Variants in MAST4 observed in about 807,000 individuals in gnomAD.
The protein encoded by MAST4 is microtubule-associated serine/threonine-protein kinase 4.
A neutral mutation model predicts 162.7 loss-of-function variants in MAST4; 89 were observed. That is an observed-to-expected ratio of 0.55 (90% CI 0.46 to 0.65). The LOEUF (loss-of-function observed/expected upper bound fraction) is 0.65, where lower values mean the gene tolerates loss of function less well. Among genes scored for constraint, MAST4 ranks in the 30% least tolerant of loss-of-function variants. The probability of loss-of-function intolerance (pLI) is 0.00; values close to 1 mark genes in which losing one functional copy is unlikely to be tolerated. For synonymous variants in MAST4, 1,479 were observed against 1,361.1 expected (o/e 1.09, Z -1.91); for missense variants, 3,153 against 3,374.0 (o/e 0.93, Z 1.62).
chr5:66,726,055 G>A (rs1469646656), intron 1 of MAST4, among the ~76,000 whole-genome samples: 4 of 151,906 alleles, frequency 2.6e-5, no homozygotes, highest in African/African-American at 9.7e-5. Context: ...GTGTGAAGAT[G>A]TACACATAAG....
chr5:66,646,851 A>G (rs746184517), intron 1 of MAST4, among the ~76,000 whole-genome samples: 12 of 152,206 alleles, frequency 7.9e-5, no homozygotes, highest in Non-Finnish European at 1.5e-4. Flanking sequence ...CAAGATAGAC[A>G]TCAGGTTTCT....
intron 3 of MAST4, among the ~76,000 whole-genome samples, chr5:66,819,812 C>G (rs1756908327): frequency 6.8e-6 from 1 of 147,076 alleles, no homozygotes; most frequent in Non-Finnish European, 1.5e-5. Flanking sequence ...CTCACTCTGT[C>G]CCCAAGGCTG....
intron 5 of MAST4, among the ~76,000 whole-genome samples, chr5:67,078,132 T>A (rs1581464693): frequency 6.6e-6 from 1 of 151,802 alleles, no homozygotes; most frequent in East Asian, 1.9e-4. Context: ...TAGAAAAAAA[T>A]GTGGATACAT....
At chr5:66,771,135 G>C (rs1211907750) in intron 2 of MAST4, among the ~76,000 whole-genome samples, 3 of 151,810 alleles carry the variant, frequency 2.0e-5, no homozygotes, top group African/African-American at 7.3e-5. Flanking sequence ...AGTTTTTTCT[G>C]GCATGATTTT....
At chr5:66,903,327 A>G (rs1333358960) in intron 4 of MAST4, among the ~76,000 whole-genome samples, 2 of 152,158 alleles carry the variant, frequency 1.3e-5, no homozygotes, top group Non-Finnish European at 2.9e-5. Flanking sequence ...TATTTTATGT[A>G]AAATACTCAG....
chr5:66,892,370 T>C (rs960631465), intron 3 of MAST4, among the ~76,000 whole-genome samples: 1 of 152,200 alleles, frequency 6.6e-6, no homozygotes, highest in Non-Finnish European at 1.5e-5. Flanking sequence ...CTTTTCACAC[T>C]GTATTTTACA....
At chr5:67,060,128 C>A (rs467655) in intron 5 of MAST4, among the ~76,000 whole-genome samples, 23,967 of 152,072 alleles carry the variant, frequency 0.16, 1,939 homozygotes, top group South Asian at 0.26. Context: ...TTATTTCAGA[C>A]AACTCTTAAG....
intron 3 of MAST4, among the ~76,000 whole-genome samples, chr5:66,886,114 T>G (rs1762024019): frequency 1.3e-5 from 2 of 152,146 alleles, no homozygotes; most frequent in Non-Finnish European, 2.9e-5. Flanking sequence ...CAAACCAGAC[T>G]TCTGAGCCAC....
chr5:66,723,377 A>G (rs1486410653), intron 1 of MAST4, among the ~76,000 whole-genome samples: 1 of 152,172 alleles, frequency 6.6e-6, no homozygotes, highest in African/African-American at 2.4e-5. Flanking sequence ...ATTAAATGTC[A>G]TGAGAAATAG....
At chr5:66,713,231 G>A (rs1750608617) in intron 1 of MAST4, among the ~76,000 whole-genome samples, 1 of 151,948 alleles carries the variant, frequency 6.6e-6, no homozygotes, top group Non-Finnish European at 1.5e-5. Flanking sequence ...CTTTGCTCTG[G>A]GGCACACAGC....
intron 3 of MAST4, among the ~76,000 whole-genome samples, chr5:66,860,357 A>G (rs1760008975): frequency 6.6e-6 from 1 of 152,220 alleles, no homozygotes; most frequent in Non-Finnish European, 1.5e-5. Context: ...TTAGAGAGCA[A>G]ATTATTGCCT....
At chr5:67,061,682 C>T (rs1188879083) in intron 5 of MAST4, among the ~76,000 whole-genome samples, 1 of 152,050 alleles carries the variant, frequency 6.6e-6, no homozygotes, top group Non-Finnish European at 1.5e-5. Context: ...TCAGCATCTC[C>T]TGCTCTGATC....
At chr5:66,925,095 T>G (rs753162101) in intron 4 of MAST4, among the ~76,000 whole-genome samples, 7 of 152,206 alleles carry the variant, frequency 4.6e-5, no homozygotes, top group Non-Finnish European at 1.0e-4. Flanking sequence ...CTTTTAGACT[T>G]TTTTTCTAAA....
At chr5:67,049,575 C>T (rs1757918226) in intron 4 of MAST4, among the ~76,000 whole-genome samples, 1 of 152,054 alleles carries the variant, frequency 6.6e-6, no homozygotes, top group African/African-American at 2.4e-5. Flanking sequence ...GATGGGTCTC[C>T]TGTGCAAATT....
chr5:66,655,640 C>T (rs548947329), intron 1 of MAST4, among the ~76,000 whole-genome samples: 27 of 152,300 alleles, frequency 1.8e-4, no homozygotes, highest in South Asian at 1.4e-3. Context: ...AAAGACGGCT[C>T]TTTGCTACAA....
rs562999366 is a variant in MAST4, at chr5:66,892,683, G to C, written c.643-7268G>C. ...ATCAGTACCAGCCCTCCCTGCTCGT[G>C]TATTTATTCAAACCTCTCCTTTCAG... On this transcript the variant is annotated intron_variant, in intron 3 of 28. Coordinates refer to ENST00000403625, the MANE Select transcript of MAST4 (RefSeq NM_001164664.2). Among the ~76,000 whole-genome samples the C allele has an allele frequency of 2.6e-5, 4 of 151,626 alleles. No homozygotes were observed. The South Asian group carries it at 6.3e-4, about 24-fold the overall frequency.
chr5:67,159,173 C>T (rs970665257), intron 26 of MAST4, among the ~76,000 whole-genome samples: 6 of 151,910 alleles, frequency 3.9e-5, no homozygotes, highest in African/African-American at 1.5e-4. Flanking sequence ...AAAATTTTTC[C>T]AAATTATATA....
intron 5 of MAST4, among the ~76,000 whole-genome samples, chr5:67,056,856 C>T (rs114647668): frequency 0.027 from 4,144 of 150,936 alleles, 161 homozygotes; most frequent in African/African-American, 0.085. Context: ...CCACCATGCC[C>T]AGCTAATTTT....
intron 1 of MAST4, among the ~76,000 whole-genome samples, chr5:66,746,869 A>G (rs1435088428): frequency 6.6e-6 from 1 of 152,248 alleles, no homozygotes; most frequent in Non-Finnish European, 1.5e-5. Context: ...CATTGTTCCT[A>G]AAGTAAACTT....
Sources: gnomAD v4.1 joint callset for allele counts (sites outside exome capture counted in the v4.1 genomes callset) on GRCh38, gnomAD v4.1.1 for gene constraint, MANE v1.5 for transcripts, NCBI Gene and HGNC (gene_info 2026-07-23, HGNC 2026-07-21) for gene names.